Variants in LRRFIP2 observed in about 807,000 individuals in gnomAD.
The protein encoded by LRRFIP2 is LRR binding FLII interacting protein 2, also known as leucine-rich repeat flightless-interacting protein 2.
LRRFIP2 carries 109 observed loss-of-function variants against 125.9 expected under a neutral mutation model. That is an observed-to-expected ratio of 0.87 (90% CI 0.74 to 1.01). LRRFIP2 has a LOEUF of 1.01. LRRFIP2 is among the 50% of genes least tolerant of loss of function. The pLI is 0.00. For missense variants in LRRFIP2, 850 were observed against 862.3 expected, an observed-to-expected ratio of 0.99 and a Z score of 0.18; for synonymous variants, 291 against 293.1, an observed-to-expected ratio of 0.99 and a Z score of 0.07.
intron 2 of LRRFIP2, among the ~76,000 whole-genome samples, chr3:37,138,889 T>A (rs2149834393): frequency 6.6e-6 from 1 of 152,352 alleles, no homozygotes; most frequent in South Asian, 2.1e-4. Context: ...AAAGAAAGAA[T>A]TTTATGGCTT....
intron 1 of LRRFIP2, among the ~76,000 whole-genome samples, chr3:37,171,802 C>A (rs1426443076): frequency 6.6e-6 from 1 of 152,178 alleles, no homozygotes; most frequent in Non-Finnish European, 1.5e-5. Context: ...AAACTATACA[C>A]AATGCTTTTA....
At chr3:37,150,050 G>GA (rs891960201) in intron 1 of LRRFIP2, among the ~76,000 whole-genome samples, 1 of 151,632 alleles carries the variant, frequency 6.6e-6, no homozygotes, top group African/African-American at 2.4e-5. Context: ...CCATATAAAA[G>GA]AAAAAATGAA....
At chr3:37,054,538 C>T (rs2086247467) in intron 26 of LRRFIP2, 23 bp from the exon 27 acceptor site, 2 of 1,522,808 alleles carry the variant, frequency 1.3e-6, no homozygotes, top group South Asian at 1.2e-5. Flanking sequence ...GAACATAGGC[C>T]TCTAGTACTG....
In LRRFIP2 at chr3:37,121,207, A is replaced by G. The variant is rs998704065; in HGVS notation, c.330+285T>C. Among the ~76,000 whole-genome samples, 4 of 152,192 alleles carry G rather than the reference A, an allele frequency of 2.6e-5. No individual in the cohort carries two copies. In the East Asian group the frequency reaches 7.7e-4, roughly 29 times the overall value. ...AAACAAATGTTATTCTACAAGATCA[A>G]TCTTAATTATTTTGTGATACTTTTC... is the stretch of plus-strand genomic sequence containing the variant. On this transcript the variant is annotated intron_variant, in intron 6 of 27. Coordinates refer to ENST00000336686, the MANE Select transcript of LRRFIP2 (RefSeq NM_006309.4).
chr3:37,166,086 C>A (rs1267089397), intron 1 of LRRFIP2, among the ~76,000 whole-genome samples: 1 of 152,142 alleles, frequency 6.6e-6, no homozygotes, highest in East Asian at 1.9e-4. Flanking sequence ...ATCTGGAATC[C>A]CAGCACTTTG....
rs180928696 is a variant in LRRFIP2 at position 37,119,852 on chromosome 3, G to C, written c.330+1640C>G. On this transcript the variant is annotated intron_variant, in intron 6 of 27. Coordinates refer to ENST00000336686, the MANE Select transcript of LRRFIP2 (RefSeq NM_006309.4). ...TTTTTGTATTTTTAGTAGAGACAGG[G>C]GTTTTTGCCATGTTGGCCAGGTTGG... Among the ~76,000 whole-genome samples, 414 of 151,936 alleles carry C rather than the reference G, an allele frequency of 2.7e-3. 2 individuals carry two copies. The highest frequency in any genetic ancestry group is 9.7e-3 in the African/African-American group (403 of 41,424).
rs1440794328 is a variant in LRRFIP2 at position 37,053,709 on chromosome 3, G to C, written c.*142C>G. On this transcript the variant is annotated 3_prime_UTR_variant, in exon 28 of 28. Coordinates refer to ENST00000336686, the MANE Select transcript of LRRFIP2 (RefSeq NM_006309.4). ...TGTAGATTCAAAATGACTTCATTCT[G>C]TCATAAATTATAAAATACAAAGGTG... 1.6e-6 allele frequency: 1 copy of C among 617,924 alleles called. No homozygotes were observed. The highest frequency in any genetic ancestry group is 2.9e-5 in the Admixed American group (1 of 34,552). The allele number at this position is 617,924 out of a possible 1,614,324, so 38.3% of individuals were successfully genotyped here.
rs1444259033 is a variant in LRRFIP2 at position 37,103,018 on chromosome 3, C to T, written c.784-5G>A. The T allele has an allele frequency of 5.8e-6, 9 of 1,547,318 alleles. No homozygotes were observed. The highest frequency in any genetic ancestry group is 4.8e-5 in the South Asian group (4 of 82,994). ...GAAATAATCAGCGGCAGATACCTTTCGGTCAGAAAAAAAACAAGATGCTTT... is the reference window on the plus strand; with the variant it reads ...GAAATAATCAGCGGCAGATACCTTTTGGTCAGAAAAAAAACAAGATGCTTT... On this transcript the variant is annotated splice_polypyrimidine_tract_variant and splice_region_variant and intron_variant, in intron 14 of 27. Transcript: ENST00000336686.
intron 6 of LRRFIP2, 39 bp downstream of exon 6, chr3:37,121,453 C>A (rs373081574): frequency 1.9e-6 from 3 of 1,580,608 alleles, no homozygotes; most frequent in Non-Finnish European, 2.6e-6. Context: ...AAAGCTCACA[C>A]GTAAGCTTTG....
At chr3:37,162,155 CAAAAAAAAAAAAA>C (rs71091697) in intron 1 of LRRFIP2, among the ~76,000 whole-genome samples, 4 of 74,006 alleles carry the variant, frequency 5.4e-5, no homozygotes, top group African/African-American at 2.3e-4. Context: ...GACCCTGTCT[CAAAAAAAAAAAAA>C]AAAAAAAAAG....
At chr3:37,095,667 G>A (rs2093681031) in intron 16 of LRRFIP2, among the ~76,000 whole-genome samples, 1 of 151,806 alleles carries the variant, frequency 6.6e-6, no homozygotes, top group South Asian at 2.1e-4. Context: ...GTGGAGTCTC[G>A]CTGTTGCCCA....
chr3:37,152,536 C>T (rs1054299239), intron 1 of LRRFIP2, among the ~76,000 whole-genome samples: 11 of 152,120 alleles, frequency 7.2e-5, no homozygotes, highest in Admixed American at 5.9e-4. Context: ...CTTTGCCTCC[C>T]GGGTTCAAGT....
intron 2 of LRRFIP2, among the ~76,000 whole-genome samples, chr3:37,134,375 G>A (rs77133748): frequency 0.012 from 1,898 of 152,262 alleles, 84 homozygotes; most frequent in East Asian, 0.086. Flanking sequence ...GCTCCAGTTC[G>A]AGCCGGTACC....
chr3:37,121,834 C>T (rs2095057472), intron 4 of LRRFIP2, 143 bp from the exon 5 acceptor site: 2 of 638,652 alleles, frequency 3.1e-6, no homozygotes, highest in East Asian at 3.0e-5. Flanking sequence ...TTAGGGGCAG[C>T]CACATTCGTG....
chr3:37,106,576 G>C (rs2094335125), intron 13 of LRRFIP2, among the ~76,000 whole-genome samples: 1 of 152,214 alleles, frequency 6.6e-6, no homozygotes, highest in African/African-American at 2.4e-5. Context: ...AGGAGGCTGA[G>C]GCAGGAGGAT....
At chr3:37,054,864 TCTC>T (rs1244647983) in intron 26 of LRRFIP2, among the ~76,000 whole-genome samples, 9 of 141,730 alleles carry the variant, frequency 6.4e-5, no homozygotes, top group East Asian at 1.9e-4. Context: ...GATCTTGAAT[TCTC>T]CTGAAATATC....
chr3:37,163,676 G>A (rs1446666544), intron 1 of LRRFIP2, among the ~76,000 whole-genome samples: 1 of 152,216 alleles, frequency 6.6e-6, no homozygotes, highest in African/African-American at 2.4e-5. Flanking sequence ...CATTAAAGTA[G>A]TTCAGCCTAT....
intron 17 of LRRFIP2, 56 bp downstream of exon 17, chr3:37,094,736 T>C (rs1004032097): frequency 1.3e-5 from 14 of 1,052,402 alleles, no homozygotes; most frequent in East Asian, 1.2e-4. Flanking sequence ...AAAGTTCCAG[T>C]ATATTACCAA....
At chr3:37,112,420 T>C (rs750470375) in intron 8 of LRRFIP2, among the ~76,000 whole-genome samples, 24 of 152,068 alleles carry the variant, frequency 1.6e-4, no homozygotes, top group Admixed American at 1.2e-3. Context: ...AAGAGTATAT[T>C]AATTCTGCAG....
Sources: allele counts gnomAD v4.1 joint callset (sites outside exome capture counted in the v4.1 genomes callset), GRCh38; gene constraint gnomAD v4.1.1; transcripts MANE v1.5; gene names NCBI Gene and HGNC (gene_info 2026-07-23, HGNC 2026-07-21).